The following DOCK3 variants were observed in gnomAD, a reference collection of about 807,000 sequenced individuals.
The protein encoded by DOCK3 is dedicator of cytokinesis 3.
In DOCK3, 60 loss-of-function variants were observed where a neutral mutation model predicts 265.6. The ratio of observed to expected loss-of-function variants is 0.23; its 90% CI spans 0.18 to 0.28. DOCK3 has a LOEUF of 0.28. DOCK3 is among the 10% of genes least tolerant of loss of function. The pLI is 1.00. For missense variants in DOCK3, 1,981 were observed against 2,594.3 expected (o/e 0.76, Z 5.14); for synonymous variants, 881 against 938.0 (o/e 0.94, Z 1.11).
At chr3:50,946,457 CT>C (rs1194445176) in intron 5 of DOCK3, among the ~76,000 whole-genome samples, 1 of 152,114 alleles carries the variant, frequency 6.6e-6, no homozygotes. Flanking sequence ...TTGAAGATAA[CT>C]TTTAGTGTAT....
intron 12 of DOCK3, among the ~76,000 whole-genome samples, chr3:51,199,352 G>A (rs552401979): frequency 1.2e-4 from 18 of 152,336 alleles, no homozygotes; most frequent in Admixed American, 3.9e-4. Flanking sequence ...GCGCTTTTCC[G>A]ATGGGCTTAA....
chr3:51,216,669 A>C (rs1466696100), intron 14 of DOCK3, among the ~76,000 whole-genome samples: 1 of 152,166 alleles, frequency 6.6e-6, no homozygotes, highest in Non-Finnish European at 1.5e-5. Flanking sequence ...TTTCCCCCTT[A>C]ATATGCCCCA....
intron 5 of DOCK3, among the ~76,000 whole-genome samples, chr3:50,942,982 G>A (rs1466366806): frequency 6.6e-6 from 1 of 151,920 alleles, no homozygotes; most frequent in Non-Finnish European, 1.5e-5. Flanking sequence ...TGTGGAAATG[G>A]TGATATTTTG....
At chr3:50,703,462 C>T (rs1325343003) in intron 1 of DOCK3, among the ~76,000 whole-genome samples, 1 of 151,076 alleles carries the variant, frequency 6.6e-6, no homozygotes, top group Non-Finnish European at 1.5e-5. Context: ...AGCCATTGGT[C>T]CTTTTTCTTT....
intron 4 of DOCK3, among the ~76,000 whole-genome samples, chr3:50,922,054 G>A (rs1280074097): frequency 6.6e-6 from 1 of 152,178 alleles, no homozygotes; most frequent in Non-Finnish European, 1.5e-5. Flanking sequence ...CAAACTCTGT[G>A]CTGGGAGAAC....
chr3:50,917,790 A>G (rs1167570879), intron 4 of DOCK3, among the ~76,000 whole-genome samples: 1 of 152,078 alleles, frequency 6.6e-6, no homozygotes. Context: ...TTTAAGTTCT[A>G]GGGTTCATGT....
At chr3:50,717,510 T>C (rs1295741583) in intron 1 of DOCK3, among the ~76,000 whole-genome samples, 1 of 152,202 alleles carries the variant, frequency 6.6e-6, no homozygotes, top group Non-Finnish European at 1.5e-5. Context: ...TTATTGTAGC[T>C]TTTTTTCTAG....
chr3:50,889,538 GTT>G (rs2048542224), intron 3 of DOCK3, among the ~76,000 whole-genome samples: 1 of 151,548 alleles, frequency 6.6e-6, no homozygotes. Context: ...AGTAGAAACA[GTT>G]TTGGAAAGAG....
At chr3:51,355,963 C>G (rs2086332954) in intron 41 of DOCK3, 126 bp from the exon 42 acceptor site, 1 of 1,184,316 alleles carries the variant, frequency 8.4e-7, no homozygotes, top group Non-Finnish European at 1.2e-6. Context: ...GCCACTGCCT[C>G]CCCTACTGGG....
At chr3:51,235,999 T>C (rs2078333994) in intron 19 of DOCK3, among the ~76,000 whole-genome samples, 2 of 152,218 alleles carry the variant, frequency 1.3e-5, no homozygotes, top group Admixed American at 6.5e-5. Context: ...AAATTTGGCA[T>C]CAGTATCACT....
intron 27 of DOCK3, among the ~76,000 whole-genome samples, chr3:51,285,019 C>A (rs540229805): frequency 1.3e-5 from 2 of 152,318 alleles, no homozygotes; most frequent in South Asian, 4.1e-4. Flanking sequence ...CTGGAGCATG[C>A]ATCCAACACT....
At chr3:51,379,749 G>A (rs1221526434) in intron 51 of DOCK3, among the ~76,000 whole-genome samples, 8 of 152,250 alleles carry the variant, frequency 5.3e-5, no homozygotes, top group Admixed American at 3.3e-4. Flanking sequence ...TGAGGTTTCC[G>A]AGTACAGCAG....
chr3:50,749,940 T>G (rs895862539), intron 1 of DOCK3, among the ~76,000 whole-genome samples: 1 of 152,146 alleles, frequency 6.6e-6, no homozygotes, highest in Admixed American at 6.5e-5. Flanking sequence ...CTAGTATCCC[T>G]TAACGCAGGG....
chr3:50,810,591 T>TA (rs1384422988), intron 2 of DOCK3, among the ~76,000 whole-genome samples: 2 of 152,060 alleles, frequency 1.3e-5, no homozygotes, highest in African/African-American at 2.4e-5. Flanking sequence ...TTTGCACACT[T>TA]ACGGATGTTA....
intron 16 of DOCK3, 119 bp downstream of exon 16, chr3:51,227,564 C>T (rs2090382807): frequency 1.4e-6 from 2 of 1,404,734 alleles, no homozygotes; most frequent in East Asian, 4.8e-5. Context: ...TAGGAATAAA[C>T]AGCTACTCAG....
rs2079527854 is a variant in DOCK3 at position 51,020,268 on chromosome 3, CT to C, written c.316-44176del. 2.2e-4 allele frequency among the ~76,000 whole-genome samples: 6 copies of C among 27,838 alleles called. No homozygotes were observed. The South Asian group carries it at 6.9e-3, about 32-fold the overall frequency. 18.3% of individuals were successfully genotyped at this position (27,838 alleles called of 152,430 possible). ...TGTTTGTTGGCCGCCTGTGTTTCTC[CT>C]TTTGAGAAGTATCTGTTCACGTCTT... On this transcript the variant is annotated intron_variant, in intron 5 of 52. Coordinates refer to ENST00000266037, the MANE Select transcript of DOCK3 (RefSeq NM_004947.5).
At chr3:50,826,152 GC>G (rs1401874576) in intron 2 of DOCK3, among the ~76,000 whole-genome samples, 4 of 151,518 alleles carry the variant, frequency 2.6e-5, no homozygotes, top group Non-Finnish European at 4.4e-5. Context: ...GCCTTTTGGG[GC>G]CCCTTTTGTA....
chr3:50,823,172 T>A (rs1902959), intron 2 of DOCK3, among the ~76,000 whole-genome samples: 112,664 of 148,152 alleles, frequency 0.76, 43,712 homozygotes, highest in Middle Eastern at 0.88. Flanking sequence ...TTATTTATTT[T>A]TTTTTATTGA....
At chr3:51,288,903 GGTGT>G (rs146598674) in intron 27 of DOCK3, among the ~76,000 whole-genome samples, 343 of 144,218 alleles carry the variant, frequency 2.4e-3, no homozygotes, top group South Asian at 6.0e-3. Flanking sequence ...TGTGTGTGTG[GGTGT>G]GTGTGTGTGT....
Sources: gnomAD v4.1 joint callset for allele counts (sites outside exome capture counted in the v4.1 genomes callset) on GRCh38, gnomAD v4.1.1 for gene constraint, MANE v1.5 for transcripts, NCBI Gene and HGNC (gene_info 2026-07-23, HGNC 2026-07-21) for gene names.